INPP4B: variants seen among roughly 807,000 people sequenced by gnomAD.
INPP4B encodes inositol polyphosphate 4-phosphatase type II.
A neutral mutation model predicts 122.5 loss-of-function variants in INPP4B; 55 were observed. The observed-to-expected ratio is 0.45, with a 90% CI of 0.36 to 0.56. The LOEUF is 0.56. Ranked by LOEUF, INPP4B falls within the 20% of genes least tolerant of loss-of-function variation. The pLI is 0.00. For synonymous variants in INPP4B, 403 were observed against 388.7 expected (o/e 1.04, Z -0.43); for missense variants, 1,000 against 1,097.7 (o/e 0.91, Z 1.26).
rs746505826 is a variant in INPP4B at position 142,405,158 on chromosome 4, C to CAA, written c.255+46_255+47dup. On this transcript the variant is annotated intron_variant, in intron 6 of 25. Transcript: ENST00000262992. ...GAGAGAGCAAGAGCGAGCGAGCCAG[C>CAA]AAGAGAGAGAGAGAGAGAGAGATTA... 3 of 819,564 alleles carry CAA rather than the reference C, an allele frequency of 3.7e-6. No homozygotes were observed. The African/African-American group carries it at 5.4e-5, about 15-fold the overall frequency. The allele number at this position is 819,564 out of a possible 1,614,324, so 50.8% of individuals were successfully genotyped here.
chr4:142,755,931 G>A (rs1220383852), intron 1 of INPP4B, among the ~76,000 whole-genome samples: 2 of 151,964 alleles, frequency 1.3e-5, no homozygotes, highest in African/African-American at 4.8e-5. Flanking sequence ...ACAGAATCTC[G>A]ATTTTGTTTA....
At chr4:142,666,303 T>TATATATATA (rs1288474309) in intron 2 of INPP4B, among the ~76,000 whole-genome samples, 1 of 152,100 alleles carries the variant, frequency 6.6e-6, no homozygotes, top group African/African-American at 2.4e-5. Context: ...TAATTTTAGA[T>TATATATATA]TCATTTCATA....
intron 7 of INPP4B, among the ~76,000 whole-genome samples, chr4:142,316,298 T>C (rs759768472): frequency 6.6e-6 from 1 of 152,158 alleles, no homozygotes; most frequent in African/African-American, 2.4e-5. Context: ...AGAAGTTTGG[T>C]AGCTGCATTA....
intron 2 of INPP4B, among the ~76,000 whole-genome samples, chr4:142,467,533 TTTTTTG>T (rs1250735180): frequency 3.6e-5 from 5 of 138,986 alleles, no homozygotes; most frequent in East Asian, 2.0e-4. Context: ...AACTAGTTTT[TTTTTTG>T]TTTTTTGTTT....
At chr4:142,505,002 TACTC>T (rs1189922989) in intron 2 of INPP4B, among the ~76,000 whole-genome samples, 2 of 152,064 alleles carry the variant, frequency 1.3e-5, no homozygotes, top group Non-Finnish European at 2.9e-5. Context: ...AAAAAACTGA[TACTC>T]AGGAGTCTGA....
rs1348244132 is a variant in INPP4B at position 142,101,429 on chromosome 4, G to A, written c.2374+6664C>T. On this transcript the variant is annotated intron_variant, in intron 23 of 25. Coordinates refer to ENST00000262992, the MANE Select transcript of INPP4B (RefSeq NM_001101669.3). ...TACTTAAGTAGCTTCAATTCTCATCGTTAGATAAAATGTAGTGCAACTCTT... is the reference window on the plus strand; with the variant it reads ...TACTTAAGTAGCTTCAATTCTCATCATTAGATAAAATGTAGTGCAACTCTT... Among the ~76,000 whole-genome samples, 6 of 152,068 alleles carry A rather than the reference G, an allele frequency of 3.9e-5. No individual in the cohort carries two copies. In the East Asian group the frequency reaches 5.8e-4, roughly 15 times the overall value.
At chr4:142,567,762 A>G (rs1185111864) in intron 2 of INPP4B, among the ~76,000 whole-genome samples, 2 of 152,122 alleles carry the variant, frequency 1.3e-5, no homozygotes, top group African/African-American at 4.8e-5. Flanking sequence ...ACATTCTTAA[A>G]TAAGAATGTG....
At chr4:142,445,988 T>C (rs1171353694) in intron 3 of INPP4B, among the ~76,000 whole-genome samples, 1 of 152,026 alleles carries the variant, frequency 6.6e-6, no homozygotes, top group Non-Finnish European at 1.5e-5. Flanking sequence ...TGAACCAAAA[T>C]AAAATCACTA....
intron 7 of INPP4B, among the ~76,000 whole-genome samples, chr4:142,401,679 C>A (rs1333543733): frequency 6.6e-6 from 1 of 152,034 alleles, no homozygotes; most frequent in Non-Finnish European, 1.5e-5. Context: ...TAATTTAATC[C>A]TTACAACAAT....
At chr4:142,287,876 G>A (rs896223677) in intron 9 of INPP4B, among the ~76,000 whole-genome samples, 8 of 152,164 alleles carry the variant, frequency 5.3e-5, no homozygotes, top group Non-Finnish European at 1.0e-4. Flanking sequence ...TGTTTTCATA[G>A]TTGTTAGAGG....
chr4:142,609,715 G>A (rs1173128079), intron 2 of INPP4B, among the ~76,000 whole-genome samples: 2 of 152,116 alleles, frequency 1.3e-5, no homozygotes. Context: ...CTGCTTAGTT[G>A]CACTTATTAT....
At chr4:142,334,113 G>A (rs2151583374) in intron 7 of INPP4B, among the ~76,000 whole-genome samples, 1 of 152,224 alleles carries the variant, frequency 6.6e-6, no homozygotes, top group Non-Finnish European at 1.5e-5. Context: ...AGAACATAAA[G>A]TATTTGTCTT....
At chr4:142,740,071 T>C (rs927059331) in intron 1 of INPP4B, among the ~76,000 whole-genome samples, 5 of 152,032 alleles carry the variant, frequency 3.3e-5, no homozygotes, top group Non-Finnish European at 5.9e-5. Flanking sequence ...GGAATTAACA[T>C]TTTAAAAATT....
intron 7 of INPP4B, among the ~76,000 whole-genome samples, chr4:142,375,343 T>A (rs1418791991): frequency 6.6e-6 from 1 of 151,670 alleles, no homozygotes; most frequent in Non-Finnish European, 1.5e-5. Context: ...ATTCTCCATA[T>A]GTCAGTGTCA....
intron 1 of INPP4B, among the ~76,000 whole-genome samples, chr4:142,736,325 T>C (rs1766885541): frequency 6.6e-6 from 1 of 152,218 alleles, no homozygotes; most frequent in Admixed American, 6.5e-5. Context: ...TCTTGTAATT[T>C]TTTTTTACCA....
intron 2 of INPP4B, among the ~76,000 whole-genome samples, chr4:142,464,939 A>G (rs1817482027): frequency 6.6e-6 from 1 of 152,214 alleles, no homozygotes; most frequent in African/African-American, 2.4e-5. Context: ...TATTAACAGA[A>G]CAGACTGCAC....
At chr4:142,381,259 G>T (rs2148854154) in intron 7 of INPP4B, among the ~76,000 whole-genome samples, 1 of 152,144 alleles carries the variant, frequency 6.6e-6, no homozygotes, top group Non-Finnish European at 1.5e-5. Flanking sequence ...GCCAGCAATG[G>T]TTTTTAAAAT....
chr4:142,553,453 T>C (rs544780520), intron 2 of INPP4B, among the ~76,000 whole-genome samples: 2 of 152,336 alleles, frequency 1.3e-5, no homozygotes, highest in African/African-American at 4.8e-5. Context: ...TGCCCTTTCA[T>C]ATCCCCTTGG....
intron 2 of INPP4B, among the ~76,000 whole-genome samples, chr4:142,642,705 G>A (rs1001378069): frequency 6.6e-6 from 1 of 152,174 alleles, no homozygotes; most frequent in African/African-American, 2.4e-5. Flanking sequence ...GTAGCGTGAT[G>A]CCTCCAGCTT....
Sources: gnomAD v4.1 joint callset for allele counts (sites outside exome capture counted in the v4.1 genomes callset) on GRCh38, gnomAD v4.1.1 for gene constraint, MANE v1.5 for transcripts, NCBI Gene and HGNC (gene_info 2026-07-23, HGNC 2026-07-21) for gene names.